Variants in DDR2 observed in about 807,000 individuals in gnomAD.
DDR2 encodes the protein discoidin domain-containing receptor 2.
DDR2 carries 27 observed loss-of-function variants against 94.9 expected under a neutral mutation model. The observed-to-expected ratio is 0.28, with a 90% CI of 0.21 to 0.39. The LOEUF (loss-of-function observed/expected upper bound fraction) is 0.39. Ranked by LOEUF, DDR2 falls within the 10% of genes least tolerant of loss-of-function variation. The pLI is 1.00. For missense variants in DDR2, 783 were observed against 1,076.0 expected (o/e 0.73, Z 3.81); for synonymous variants, 382 against 377.2 (o/e 1.01, Z -0.15).
chr1:162,705,892 C>A (rs976624402), intron 2 of DDR2, among the ~76,000 whole-genome samples: 1 of 152,188 alleles, frequency 6.6e-6, no homozygotes, highest in African/African-American at 2.4e-5. Context: ...GCTCCATAAA[C>A]GTTTATCAGT....
intron 2 of DDR2, among the ~76,000 whole-genome samples, chr1:162,692,217 C>T (rs1175487062): frequency 6.6e-6 from 1 of 152,222 alleles, no homozygotes; most frequent in East Asian, 1.9e-4. Context: ...TGCCTTCCCT[C>T]CACCTCCACT....
chr1:162,638,349 G>A (rs1197620948), intron 1 of DDR2, among the ~76,000 whole-genome samples: 2 of 152,160 alleles, frequency 1.3e-5, no homozygotes, highest in Non-Finnish European at 2.9e-5. Context: ...CATCACCATT[G>A]TCTTTGTTGC....
rs769456618 is a variant in DDR2, at chr1:162,770,310, G to A, written c.1302G>A (p.Arg434=). The A allele has an allele frequency of 1.9e-6, 3 of 1,613,864 alleles. No individual in the cohort carries two copies. In the South Asian group the frequency reaches 3.3e-5, roughly 18 times the overall value. Residue 434 remains arginine, a synonymous_variant, in exon 12 of 18, where the codon CGG becomes CGA. Transcript: ENST00000367921. ...TTGCTCTTCTCTTCCAGGCTTCTCG[G>A]AGGATGCTGGATGATGAAATGACAG... The part of the protein sequence containing the change: ...FWQKMLEKAS[R]RMLDDEMTVS...
chr1:162,704,177 A>G (rs1571220155), intron 2 of DDR2, among the ~76,000 whole-genome samples: 1 of 152,212 alleles, frequency 6.6e-6, no homozygotes, highest in Non-Finnish European at 1.5e-5. Context: ...ATTCTGGCAG[A>G]GGTACCATTT....
At chr1:162,709,139 G>A (rs1660785109) in intron 2 of DDR2, among the ~76,000 whole-genome samples, 1 of 152,200 alleles carries the variant, frequency 6.6e-6, no homozygotes, top group Non-Finnish European at 1.5e-5. Flanking sequence ...ACACTGGTGA[G>A]AGGTGGGAGA....
At chr1:162,721,132 A>G in intron 3 of DDR2, among the ~76,000 whole-genome samples, 1 of 152,122 alleles carries the variant, frequency 6.6e-6, no homozygotes, top group East Asian at 1.9e-4. Context: ...TCTAAGGAAG[A>G]GTGCTGTGAG....
chr1:162,680,341 C>T (rs1659342794), intron 2 of DDR2, among the ~76,000 whole-genome samples: 1 of 152,176 alleles, frequency 6.6e-6, no homozygotes, highest in African/African-American at 2.4e-5. Flanking sequence ...CAGTTTCAAT[C>T]TTCTGCATAT....
At chr1:162,647,918 A>T (rs913522801) in intron 1 of DDR2, among the ~76,000 whole-genome samples, 6 of 152,046 alleles carry the variant, frequency 3.9e-5, no homozygotes, top group Non-Finnish European at 7.4e-5. Context: ...TCATCCTGGG[A>T]CTAAGAATGC....
chr1:162,702,502 A>G (rs946955697), intron 2 of DDR2, among the ~76,000 whole-genome samples: 2 of 152,214 alleles, frequency 1.3e-5, no homozygotes, highest in African/African-American at 4.8e-5. Context: ...AGTATAGGTC[A>G]TTCATCGAAT....
intron 3 of DDR2, among the ~76,000 whole-genome samples, chr1:162,748,056 G>T (rs1261407945): frequency 2.0e-5 from 3 of 152,170 alleles, no homozygotes; most frequent in Admixed American, 2.0e-4. Context: ...ATGCCAAATT[G>T]TAAACACCAT....
intron 2 of DDR2, among the ~76,000 whole-genome samples, chr1:162,667,825 G>A (rs1658658304): frequency 6.6e-6 from 1 of 152,194 alleles, no homozygotes; most frequent in Non-Finnish European, 1.5e-5. Flanking sequence ...TCAGCATCTG[G>A]TTAGGCTTGG....
At chr1:162,668,399 G>T (rs1392086049) in intron 2 of DDR2, among the ~76,000 whole-genome samples, 1 of 152,140 alleles carries the variant, frequency 6.6e-6, no homozygotes, top group African/African-American at 2.4e-5. Context: ...GTTTCCTGGG[G>T]TTACTGTAAC....
At chr1:162,725,238 A>G (rs976206504) in intron 3 of DDR2, among the ~76,000 whole-genome samples, 1 of 152,220 alleles carries the variant, frequency 6.6e-6, no homozygotes, top group Admixed American at 6.5e-5. Flanking sequence ...TAGGTAACTC[A>G]TAGCAGGTTA....
rs1663733691 is a variant in DDR2 at position 162,761,382 on chromosome 1, G to A, written c.1027G>A (p.Ala343Thr). ...FVTVPLHHRM[A>T]SAIKCQYHFA... The stretch of plus-strand genomic sequence containing the variant: ...CACGGTGCCTCTCCACCACCGAATG[G>A]CCAGTGCCATCAAGTGTCAATACCA... Residue 343 changes from alanine to threonine, a missense_variant, in exon 9 of 18, where the codon GCC becomes ACC. By Grantham distance (58) the Ala-to-Thr change is moderately conservative. Transcript: ENST00000367921. 6.2e-7 allele frequency: 1 copy of A among 1,614,030 alleles called. No individual in the cohort carries two copies. Among genetic ancestry groups the A allele is most frequent in the African/African-American group, 1.3e-5 (1 of 74,918 alleles).
intron 9 of DDR2, among the ~76,000 whole-genome samples, chr1:162,762,198 T>C (rs1663779763): frequency 6.6e-6 from 1 of 152,182 alleles, no homozygotes; most frequent in African/African-American, 2.4e-5. Flanking sequence ...ATTCCTTCCA[T>C]TTTTATTTCT....
intron 9 of DDR2, among the ~76,000 whole-genome samples, chr1:162,762,665 G>A (rs919704967): frequency 3.3e-5 from 5 of 152,100 alleles, no homozygotes; most frequent in African/African-American, 7.3e-5. Flanking sequence ...AGCAGCATAC[G>A]TGACTTATCT....
chr1:162,671,829 C>A (rs755968281), intron 2 of DDR2, among the ~76,000 whole-genome samples: 11 of 152,252 alleles, frequency 7.2e-5, no homozygotes, highest in Non-Finnish European at 1.2e-4. Flanking sequence ...TATCACAATT[C>A]GTTTTGTCAT....
intron 16 of DDR2, among the ~76,000 whole-genome samples, chr1:162,777,082 A>T (rs892446043): frequency 8.5e-5 from 13 of 152,252 alleles, no homozygotes; most frequent in African/African-American, 3.1e-4. Flanking sequence ...ATTTATGATT[A>T]ATCTGCTTAT....
At position 162,787,048 on chromosome 1, in the gene DDR2, C is replaced by T. The variant is rs1648178003; in HGVS notation, c.*6802C>T. On this transcript the variant is annotated 3_prime_UTR_variant, in exon 18 of 18. Coordinates refer to ENST00000367921, the MANE Select transcript of DDR2 (RefSeq NM_006182.4). ...ACTAGAGATTAGAATGAAACGACCC[C>T]AAACAACCCATTTCTTACCTGGTCT... 1 of 152,166 alleles carries T rather than the reference C, an allele frequency of 6.6e-6. No homozygotes were observed. Among genetic ancestry groups the T allele is most frequent in the Non-Finnish European group, 1.5e-5 (1 of 68,038 alleles). The allele number at this position is 152,166 out of a possible 1,614,324, so 9.4% of individuals were successfully genotyped here. A position where few individuals can be genotyped will look rare whatever the true frequency, so the allele number is the denominator to read the frequency against.
Sources: allele counts gnomAD v4.1 joint callset (sites outside exome capture counted in the v4.1 genomes callset), GRCh38; gene constraint gnomAD v4.1.1; transcripts MANE v1.5; gene names NCBI Gene and HGNC (gene_info 2026-07-23, HGNC 2026-07-21).